Variants in SETX observed in about 807,000 individuals in gnomAD.
SETX encodes senataxin, also known as helicase senataxin.
A neutral mutation model predicts 227.2 loss-of-function variants in SETX; 90 were observed. The observed-to-expected ratio is 0.40, with a 90% CI of 0.33 to 0.47. The LOEUF (loss-of-function observed/expected upper bound fraction) is 0.47. SETX is among the 20% of genes least tolerant of loss of function. The pLI, the probability that SETX is intolerant of heterozygous loss-of-function variation, is 0.91. For missense variants in SETX, 3,052 were observed against 3,181.5 expected (o/e 0.96, Z 0.98); for synonymous variants, 1,210 against 1,113.2 (o/e 1.09, Z -1.73).
In SETX at chr9:132,328,480, A is replaced by G; in HGVS notation, c.3118T>C (p.Cys1040Arg). 1.2e-6 allele frequency: 2 copies of G among 1,613,758 alleles called. No individual in the cohort carries two copies. Among genetic ancestry groups the G allele is most frequent in the Non-Finnish European group, 1.7e-6 (2 of 1,179,978 alleles). The change falls in exon 10 of 26, where the codon TGC (cysteine) becomes CGC (arginine). Residue 1040 changes from cysteine (C) to arginine (R), a missense_variant. Cys to Arg is a radical substitution (Grantham distance 180, BLOSUM62 -3). Coordinates refer to ENST00000224140, the MANE Select transcript of SETX (RefSeq NM_015046.7). ...LEKLTKQDKI[C>R]LEREHPEQHV... ...TGCTCTGGATGTTCCCTCTCAAGGC[A>G]TATTTTGTCCTGTTTAGTGAGTTTC...
At chr9:132,314,945 C>T (rs1196767171) in intron 10 of SETX, among the ~76,000 whole-genome samples, 2 of 111,856 alleles carry the variant, frequency 1.8e-5, no homozygotes, top group South Asian at 3.0e-4. Flanking sequence ...CAGGGTCTTG[C>T]TCTGTTGCCC....
At chr9:132,277,832 T>C (rs891957035) in intron 21 of SETX, among the ~76,000 whole-genome samples, 4 of 147,982 alleles carry the variant, frequency 2.7e-5, no homozygotes, top group Non-Finnish European at 3.0e-5. Flanking sequence ...AAAGTGGATA[T>C]ACCAAAATGT....
At chr9:132,310,566 T>C (rs1037584258) in intron 11 of SETX, among the ~76,000 whole-genome samples, 1 of 152,246 alleles carries the variant, frequency 6.6e-6, no homozygotes, top group Non-Finnish European at 1.5e-5. Context: ...GGAACTTAGA[T>C]TTTAGGACAG....
At chr9:132,320,709 A>G (rs571437864) in intron 10 of SETX, among the ~76,000 whole-genome samples, 8 of 152,206 alleles carry the variant, frequency 5.3e-5, no homozygotes, top group Non-Finnish European at 8.8e-5. Flanking sequence ...ATGGTTAAAA[A>G]GAAAGGTGTA....
Position 132,261,488 on chromosome 9 carries a change from A to G in SETX, c.*2751T>C, listed in dbSNP as rs993816589. ...CTTCATAATACATAACCTCTAATCC[A>G]TGTCCATCTTCTTGTTTCTGCTTTT... On this transcript the variant is annotated 3_prime_UTR_variant, in exon 26 of 26. Transcript: ENST00000224140. The G allele has an allele frequency of 6.6e-6, 1 of 152,284 alleles. No homozygotes were observed. The highest frequency in any genetic ancestry group is 1.5e-5 in the Non-Finnish European group (1 of 68,042). 9.4% of individuals were successfully genotyped at this position (152,284 alleles called of 1,614,324 possible). A position where few individuals can be genotyped will look rare whatever the true frequency, so the allele number is the denominator to read the frequency against.
chr9:132,335,876 G>C (rs928839566), intron 6 of SETX, among the ~76,000 whole-genome samples: 6 of 152,132 alleles, frequency 3.9e-5, no homozygotes, highest in Admixed American at 1.3e-4. Flanking sequence ...TAAGAACTGA[G>C]AACTATAAAA....
chr9:132,261,481 C>A lies in SETX; in HGVS notation c.*2758G>T, dbSNP rs186695314. ...TAGTTTACTTCATAATACATAACCT[C>A]TAATCCATGTCCATCTTCTTGTTTC... On this transcript the variant is annotated 3_prime_UTR_variant, in exon 26 of 26. Coordinates refer to ENST00000224140, the MANE Select transcript of SETX (RefSeq NM_015046.7). 2.0e-4 allele frequency: 31 copies of A among 152,404 alleles called. No homozygotes were observed. The highest frequency in any genetic ancestry group is 7.0e-4 in the African/African-American group (29 of 41,590). 9.4% of individuals were successfully genotyped at this position (152,404 alleles called of 1,614,324 possible). A position where few individuals can be genotyped will look rare whatever the true frequency, so the allele number is the denominator to read the frequency against.
intron 5 of SETX, among the ~76,000 whole-genome samples, chr9:132,337,995 G>A (rs920319784): frequency 8.6e-5 from 13 of 151,996 alleles, no homozygotes; most frequent in South Asian, 4.1e-4. Context: ...AGCTGAGAAG[G>A]ACAGTAACAT....
chr9:132,325,960 C>T (rs1397537579), intron 10 of SETX, among the ~76,000 whole-genome samples: 2 of 151,190 alleles, frequency 1.3e-5, no homozygotes, highest in Non-Finnish European at 2.9e-5. Context: ...AAAGTGTTTC[C>T]TCTGTATTGC....
At chr9:132,325,356 AAAAAAAG>A (rs138503932) in intron 10 of SETX, among the ~76,000 whole-genome samples, 8,251 of 151,566 alleles carry the variant, frequency 0.054, 348 homozygotes, top group East Asian at 0.25. Context: ...ACTCGTCTCA[AAAAAAAG>A]AAAAAAGAAA....
intron 15 of SETX, among the ~76,000 whole-genome samples, chr9:132,294,377 A>G (rs1844537390): frequency 6.6e-6 from 1 of 152,266 alleles, no homozygotes; most frequent in African/African-American, 2.4e-5. Flanking sequence ...CTAAATTATC[A>G]ATGAATAAAT....
At chr9:132,286,615 G>C (rs1378604376) in intron 17 of SETX, 121 bp from the exon 18 acceptor site, 3 of 740,622 alleles carry the variant, frequency 4.1e-6, no homozygotes, top group Non-Finnish European at 4.7e-6. Context: ...TATTTACCCA[G>C]CTTATTTCCT....
At position 132,281,271 on chromosome 9, in the gene SETX, CAGA is replaced by C. The variant is rs529660254; in HGVS notation, c.6654+193_6654+195del. Reference sequence around the variant, plus strand: ...CCACACTGCTTCTGCCACACATACACAGAAGAACAACTATGACCAAATGGACAT... The same window carrying C: ...CCACACTGCTTCTGCCACACATACACAGAACAACTATGACCAAATGGACAT... On this transcript the variant is annotated intron_variant, in intron 20 of 25. Transcript: ENST00000224140. 3.3e-3 allele frequency among the ~76,000 whole-genome samples: 499 copies of C among 152,278 alleles called. 2 individuals carry two copies. The highest frequency in any genetic ancestry group is 0.011 in the African/African-American group (460 of 41,560).
rs1359302869 is a variant in SETX at position 132,296,996 on chromosome 9, G to A, written c.5840C>T (p.Ala1947Val). 1 of 1,613,372 alleles carries A rather than the reference G, an allele frequency of 6.2e-7. No homozygotes were observed. Among genetic ancestry groups the A allele is most frequent in the Admixed American group, 1.7e-5 (1 of 60,006 alleles). ...AACTGATGGTGAGTGTTTCACCATA[G>A]CATATGCAGTTTCTATTGCTTTCTT... ...DQKKAIETAY[A>V]MVKHSPSVAK... Residue 1947 changes from alanine (A) to valine (V), a missense_variant, in exon 14 of 26, where the codon GCT (alanine) becomes GTT (valine). Transcript: ENST00000224140.
At chr9:132,273,673 C>T (rs1467655382) in intron 23 of SETX, among the ~76,000 whole-genome samples, 1 of 152,136 alleles carries the variant, frequency 6.6e-6, no homozygotes, top group South Asian at 2.1e-4. Context: ...TCCTGCTAAG[C>T]TTATTATCTC....
chr9:132,274,616 A>T (rs1031866321), intron 23 of SETX, among the ~76,000 whole-genome samples: 20 of 150,128 alleles, frequency 1.3e-4, no homozygotes, highest in African/African-American at 4.7e-4. Context: ...TAATTTTTGT[A>T]TTTTTTTTCA....
At chr9:132,351,422 C>T (rs1473820676) in intron 2 of SETX, among the ~76,000 whole-genome samples, 2 of 152,326 alleles carry the variant, frequency 1.3e-5, no homozygotes, top group Admixed American at 6.5e-5. Context: ...AAGAAACCTT[C>T]TATTAAGAAA....
At chr9:132,311,708 T>C in intron 11 of SETX, 49 bp downstream of exon 11, 2 of 1,308,210 alleles carry the variant, frequency 1.5e-6, no homozygotes, top group Non-Finnish European at 2.2e-6. Flanking sequence ...TAATTAGAAA[T>C]CTCCAATTAT....
rs759213174 is a variant in SETX at position 132,326,782 on chromosome 9, G to A, written c.4816C>T (p.Arg1606Ter). The change falls in exon 10 of 26, where the codon CGA becomes TGA. Residue 1606 changes from arginine (R) to a stop codon, truncating the protein, a stop_gained. Transcript: ENST00000224140. LOFTEE classifies it high-confidence loss of function. Reference sequence around the variant, plus strand: ...AAAGATTTAGAAAGACCAGCAATTCGTGAAGTACTCTTTGAGCTAAAAATC... The same window carrying A: ...AAAGATTTAGAAAGACCAGCAATTCATGAAGTACTCTTTGAGCTAAAAATC... ...TKIFSSKSTS[R>*]IAGLSKSLET... is the part of the protein sequence containing the mutation. 7 of 1,614,226 alleles carry A rather than the reference G, an allele frequency of 4.3e-6. No homozygotes were observed. The highest frequency in any genetic ancestry group is 5.9e-6 in the Non-Finnish European group (7 of 1,180,038).
Sources: gnomAD v4.1 joint callset for allele counts (sites outside exome capture counted in the v4.1 genomes callset) on GRCh38, gnomAD v4.1.1 for gene constraint, MANE v1.5 for transcripts, NCBI Gene and HGNC (gene_info 2026-07-23, HGNC 2026-07-21) for gene names.